The following CNST variants were observed in gnomAD, a reference collection of about 807,000 sequenced individuals.
CNST encodes the protein consortin, connexin sorting protein, also known as consortin.
In CNST, 39 loss-of-function variants were observed where a neutral mutation model predicts 72.4. The observed-to-expected ratio is 0.54, with a 90% CI of 0.42 to 0.70. The LOEUF (loss-of-function observed/expected upper bound fraction) is 0.70, where lower values mean the gene tolerates loss of function less well. CNST is among the 30% of genes least tolerant of loss of function. The pLI, the probability that CNST is intolerant of heterozygous loss-of-function variation, is 0.00. For missense variants in CNST, 871 were observed against 868.5 expected (o/e 1.00, Z -0.04); for synonymous variants, 332 against 320.1 (o/e 1.04, Z -0.40).
intron 2 of CNST, among the ~76,000 whole-genome samples, chr1:246,601,897 T>C (rs946602697): frequency 6.6e-6 from 1 of 152,212 alleles, no homozygotes; most frequent in Non-Finnish European, 1.5e-5. Context: ...TGGAATGGAA[T>C]GGAGAGAGCA....
At chr1:246,584,325 C>T (rs1330215406) in intron 1 of CNST, among the ~76,000 whole-genome samples, 3 of 152,136 alleles carry the variant, frequency 2.0e-5, no homozygotes, top group Non-Finnish European at 4.4e-5. Context: ...TATAAGTCAA[C>T]ATTTTAAGAA....
At chr1:246,616,715 C>T (rs969097094) in intron 2 of CNST, among the ~76,000 whole-genome samples, 2 of 152,156 alleles carry the variant, frequency 1.3e-5, no homozygotes, top group Admixed American at 1.3e-4. Flanking sequence ...CCACCACGCC[C>T]GGCTAATTTT....
At chr1:246,632,648 G>A (rs1664849739) in intron 4 of CNST, among the ~76,000 whole-genome samples, 2 of 152,190 alleles carry the variant, frequency 1.3e-5, no homozygotes, top group Non-Finnish European at 2.9e-5. Context: ...ATTGCCCAGA[G>A]GAAGGTAGGC....
chr1:246,572,917 T>C (rs58184979), intron 1 of CNST, among the ~76,000 whole-genome samples: 2,957 of 152,206 alleles, frequency 0.019, 106 homozygotes, highest in African/African-American at 0.067. Flanking sequence ...GATTTTTTTT[T>C]CCACTTGTGA....
chr1:246,596,697 G>A (rs934879471), intron 2 of CNST, among the ~76,000 whole-genome samples: 5 of 152,124 alleles, frequency 3.3e-5, no homozygotes, highest in African/African-American at 1.2e-4. Context: ...ACACAAAGCA[G>A]CCACTTACAT....
At chr1:246,651,626 A>G (rs531145843) in intron 9 of CNST, among the ~76,000 whole-genome samples, 3 of 152,372 alleles carry the variant, frequency 2.0e-5, no homozygotes, top group African/African-American at 7.2e-5. Flanking sequence ...TATACTATTT[A>G]TATAGTGACA....
intron 3 of CNST, among the ~76,000 whole-genome samples, 168 bp from the exon 4 acceptor site, chr1:246,631,725 TG>T (rs1396321024): frequency 1.3e-5 from 2 of 152,232 alleles, no homozygotes; most frequent in African/African-American, 4.8e-5. Flanking sequence ...AATTGCATCC[TG>T]TGCCTACAGT....
intron 8 of CNST, among the ~76,000 whole-genome samples, chr1:246,645,658 A>G (rs894328695): frequency 2.6e-5 from 4 of 150,994 alleles, no homozygotes; most frequent in African/African-American, 9.7e-5. Flanking sequence ...CGATCTCCTG[A>G]CCTCGTGATC....
intron 3 of CNST, among the ~76,000 whole-genome samples, chr1:246,624,345 G>A (rs1664282101): frequency 6.6e-6 from 1 of 152,202 alleles, no homozygotes; most frequent in Non-Finnish European, 1.5e-5. Context: ...TAAAAGTATG[G>A]GCTTTGGCCC....
intron 3 of CNST, among the ~76,000 whole-genome samples, chr1:246,626,947 ATACT>A (rs1664480026): frequency 6.6e-6 from 1 of 152,174 alleles, no homozygotes; most frequent in African/African-American, 2.4e-5. Flanking sequence ...CCTTGAAGTG[ATACT>A]TTATTTACTT....
intron 2 of CNST, among the ~76,000 whole-genome samples, chr1:246,619,123 C>T (rs1410434477): frequency 6.7e-6 from 1 of 149,788 alleles, no homozygotes; most frequent in Non-Finnish European, 1.5e-5. Flanking sequence ...GATTAAATGT[C>T]TTGGGCATAG....
At chr1:246,643,434 C>G (rs542180100) in intron 8 of CNST, among the ~76,000 whole-genome samples, 6 of 152,132 alleles carry the variant, frequency 3.9e-5, no homozygotes, top group Non-Finnish European at 7.3e-5. Context: ...TGTTGAGCAC[C>G]TTGGGAAAAG....
At chr1:246,645,234 C>G (rs768964032) in intron 8 of CNST, among the ~76,000 whole-genome samples, 2 of 151,348 alleles carry the variant, frequency 1.3e-5, no homozygotes, top group Non-Finnish European at 2.9e-5. Flanking sequence ...GTATGGGCCT[C>G]AATTGTCAGT....
At position 246,647,410 on chromosome 1, in the gene CNST, T is replaced by C. The variant is rs1273221093; in HGVS notation, c.1209T>C (p.Ala403=). The change falls in exon 9 of 11, where the codon GCT becomes GCC. Residue 403 remains alanine (A), a synonymous_variant. Transcript: ENST00000366513. Reference sequence around the variant, plus strand: ...AGGATGACAGTCGCTTGCAGCTGGCTCAAACAGAGGCCTGCCAGGATGTGG... The same window carrying C: ...AGGATGACAGTCGCTTGCAGCTGGCCCAAACAGAGGCCTGCCAGGATGTGG... ...ACEDDSRLQL[A]QTEACQDVAR... is the part of the protein sequence containing the mutation. 2 of 1,613,944 alleles carry C rather than the reference T, an allele frequency of 1.2e-6. No homozygotes were observed. The highest frequency in any genetic ancestry group is 2.7e-5 in the African/African-American group (2 of 74,898).
intron 1 of CNST, 59 bp downstream of exon 1, chr1:246,566,722 C>T: frequency 5.0e-6 from 2 of 400,430 alleles, no homozygotes; most frequent in Non-Finnish European, 8.8e-6. Flanking sequence ...GGATGGAAAG[C>T]CTTTCGGAAG....
chr1:246,654,220 C>T (rs772972777), intron 9 of CNST, among the ~76,000 whole-genome samples: 11 of 152,186 alleles, frequency 7.2e-5, no homozygotes, highest in Admixed American at 1.3e-4. Context: ...CTGGCCCCCT[C>T]GCCACCTCCC....
chr1:246,653,962 A>G (rs1666632318), intron 9 of CNST, among the ~76,000 whole-genome samples: 1 of 152,238 alleles, frequency 6.6e-6, no homozygotes, highest in Admixed American at 6.5e-5. Flanking sequence ...CTTGTCTGGA[A>G]GTATACAGCT....
chr1:246,623,411 T>C (rs564350685), intron 3 of CNST, among the ~76,000 whole-genome samples: 17 of 152,194 alleles, frequency 1.1e-4, no homozygotes, highest in African/African-American at 4.1e-4. Context: ...GATGTTACAT[T>C]AGGATCAGAG....
chr1:246,587,005 C>T (rs1278017605), intron 1 of CNST, among the ~76,000 whole-genome samples: 2 of 152,024 alleles, frequency 1.3e-5, no homozygotes, highest in Admixed American at 6.6e-5. Context: ...GAGGCCTATG[C>T]GTTTAATCTT....
Sources: allele counts gnomAD v4.1 joint callset (sites outside exome capture counted in the v4.1 genomes callset), GRCh38; gene constraint gnomAD v4.1.1; transcripts MANE v1.5; gene names NCBI Gene and HGNC (gene_info 2026-07-23, HGNC 2026-07-21).